TENT4B: variants seen among roughly 807,000 people sequenced by gnomAD.
The protein encoded by TENT4B is terminal nucleotidyltransferase 4B.
A neutral mutation model predicts 75.0 loss-of-function variants in TENT4B; 10 were observed. The ratio of observed to expected loss-of-function variants is 0.13; its 90% CI spans 0.08 to 0.23. The LOEUF (loss-of-function observed/expected upper bound fraction) is 0.23, where lower values mean the gene tolerates loss of function less well. TENT4B is among the 10% of genes least tolerant of loss of function. The probability of loss-of-function intolerance (pLI) is 1.00; values close to 1 mark genes in which losing one functional copy is unlikely to be tolerated. For synonymous variants in TENT4B, 350 were observed against 357.7 expected (o/e 0.98, Z 0.24); for missense variants, 579 against 893.8 (o/e 0.65, Z 4.49).
rs181831308 is a variant in TENT4B, at chr16:50,233,164, G to A, written c.*3836G>A. ...ACTGTTGATAGTAATTTTCATCAGGGTCATAGTTCATCTAGTAAAATATTT... is the reference window on the plus strand; with the variant it reads ...ACTGTTGATAGTAATTTTCATCAGGATCATAGTTCATCTAGTAAAATATTT... On this transcript the variant is annotated 3_prime_UTR_variant, in exon 12 of 12. Coordinates refer to ENST00000561678, the MANE Select transcript of TENT4B (RefSeq NM_001365324.3). 1.4e-5 allele frequency: 14 copies of A among 984,476 alleles called. No homozygotes were observed. The highest frequency in any genetic ancestry group is 1.7e-5 in the Non-Finnish European group (14 of 829,144). The allele number at this position is 984,476 out of a possible 1,614,324, so 61.0% of individuals were successfully genotyped here.
rs532432791 is a variant in TENT4B at position 50,176,259 on chromosome 16, T to TA, written c.638+22003dup. On this transcript the variant is annotated intron_variant, in intron 1 of 11. Transcript: ENST00000561678. ...CCATGACCACACCCAGCTAAGTTTT[T>TA]AAATTTTTTTAGAGATTGAATCTTT... Among the ~76,000 whole-genome samples the TA allele has an allele frequency of 4.8e-4, 73 of 151,832 alleles. 2 individuals are homozygous for TA. Among genetic ancestry groups the TA allele is most frequent in the Admixed American group, 1.4e-3 (21 of 15,224 alleles).
At position 50,182,913 on chromosome 16, in the gene TENT4B, T is replaced by TTTTTC; in HGVS notation, c.639-28406_639-28405insCTTTT. Among the ~76,000 whole-genome samples, 3 of 137,784 alleles carry TTTTTC rather than the reference T, an allele frequency of 2.2e-5. No individual in the cohort carries two copies. In the South Asian group the frequency reaches 7.1e-4, roughly 33 times the overall value. 90.4% of individuals were successfully genotyped at this position (137,784 alleles called of 152,430 possible). On this transcript the variant is annotated intron_variant, in intron 1 of 11. Transcript: ENST00000561678. ...TACCTTTTTTTTTTTTTTTTTTTTT[T>TTTTTC]TTTTTTTTTGAGTTAGGCCAAGTTG... is the stretch of plus-strand genomic sequence containing the variant.
chr16:50,227,031 T>C (rs1218565258), intron 10 of TENT4B, among the ~76,000 whole-genome samples: 2 of 152,242 alleles, frequency 1.3e-5, no homozygotes, highest in East Asian at 3.8e-4. Flanking sequence ...GAATTTGTAG[T>C]GTACTGATTT....
chr16:50,153,811 A>T lies in TENT4B; in HGVS notation c.190A>T (p.Ser64Cys). The T allele has an allele frequency of 8.2e-7, 1 of 1,221,698 alleles. No homozygotes were observed. The highest frequency in any genetic ancestry group is 1.0e-6 in the Non-Finnish European group (1 of 984,072). The allele number at this position is 1,221,698 out of a possible 1,614,324, so 75.7% of individuals were successfully genotyped here. The change falls in exon 1 of 12, where the codon AGC becomes TGC. Residue 64 changes from serine to cysteine, a missense_variant. Ser to Cys is a moderately radical substitution (Grantham distance 112). This residue lies in a region of TENT4B where 253 missense variants were observed against 270.1 expected (regional missense o/e 0.94). Transcript: ENST00000561678. Reference sequence around the variant, plus strand: ...CAGCACGGCCACCGGCGGGAGCGGCAGCAGCACCGGCAGCCCCGGCGGCGC... The same window carrying T: ...CAGCACGGCCACCGGCGGGAGCGGCTGCAGCACCGGCAGCCCCGGCGGCGC... ...SSSTATGGSG[S>C]STGSPGGAAS...
chr16:50,157,267 C>A (rs4785388), intron 1 of TENT4B, among the ~76,000 whole-genome samples: 9,492 of 152,290 alleles, frequency 0.062, 482 homozygotes, highest in African/African-American at 0.14. Context: ...TCTCTGCTTC[C>A]ACCAAATTGG....
chr16:50,154,209 G>A lies in TENT4B; in HGVS notation c.588G>A (p.Val196=). The A allele has an allele frequency of 6.7e-7, 1 of 1,494,904 alleles. No homozygotes were observed. The highest frequency in any genetic ancestry group is 8.8e-7 in the Non-Finnish European group (1 of 1,130,462). The allele number at this position is 1,494,904 out of a possible 1,614,324, so 92.6% of individuals were successfully genotyped here. Reference sequence around the variant, plus strand: ...GCCGAGCAGACGGCGGCGGGGTCGTGTACAGCGGGACCCCGTGGAAACGGA... The same window carrying A: ...GCCGAGCAGACGGCGGCGGGGTCGTATACAGCGGGACCCCGTGGAAACGGA... The part of the protein sequence containing the change: ...GGGRADGGGV[V]YSGTPWKRRN... Residue 196 remains valine (V), a synonymous_variant, in exon 1 of 12, where the codon GTG becomes GTA. Coordinates refer to ENST00000561678, the MANE Select transcript of TENT4B (RefSeq NM_001365324.3).
intron 5 of TENT4B, among the ~76,000 whole-genome samples, chr16:50,217,992 T>C (rs1184077600): frequency 1.3e-5 from 2 of 151,776 alleles, no homozygotes; most frequent in Non-Finnish European, 2.9e-5. Flanking sequence ...CAGGCTGGTC[T>C]CTTAACTCCT....
At chr16:50,199,305 C>T (rs1046359558) in intron 1 of TENT4B, among the ~76,000 whole-genome samples, 5 of 152,202 alleles carry the variant, frequency 3.3e-5, no homozygotes, top group Non-Finnish European at 4.4e-5. Context: ...TGCCAGCTGG[C>T]TTTGCAGTGC....
At chr16:50,209,498 G>A (rs1416975207) in intron 1 of TENT4B, among the ~76,000 whole-genome samples, 1 of 152,204 alleles carries the variant, frequency 6.6e-6, no homozygotes, top group African/African-American at 2.4e-5. Flanking sequence ...GGCATAGCAA[G>A]GAAAACGTCC....
chr16:50,181,589 G>A (rs1221133512), intron 1 of TENT4B, among the ~76,000 whole-genome samples: 1 of 151,518 alleles, frequency 6.6e-6, no homozygotes, highest in Non-Finnish European at 1.5e-5. Context: ...ATAGGTGTGA[G>A]CCACCATGCC....
chr16:50,160,618 C>T (rs1281007343), intron 1 of TENT4B, among the ~76,000 whole-genome samples: 3 of 152,172 alleles, frequency 2.0e-5, no homozygotes, highest in Non-Finnish European at 2.9e-5. Context: ...TTAAGGGCTC[C>T]GTTGGTGATA....
At chr16:50,187,353 C>A (rs9925166) in intron 1 of TENT4B, among the ~76,000 whole-genome samples, 8 of 152,144 alleles carry the variant, frequency 5.3e-5, no homozygotes, top group Non-Finnish European at 1.2e-4. Context: ...GAGGCCGAGG[C>A]GGATGGATCA....
At chr16:50,216,849 G>T (rs1030029645) in intron 4 of TENT4B, among the ~76,000 whole-genome samples, 3 of 151,886 alleles carry the variant, frequency 2.0e-5, no homozygotes, top group African/African-American at 7.3e-5. Flanking sequence ...GTAGAGATAG[G>T]GTCTCCCTGT....
intron 1 of TENT4B, among the ~76,000 whole-genome samples, chr16:50,193,528 T>G (rs1334258170): frequency 2.6e-5 from 4 of 151,866 alleles, no homozygotes; most frequent in Non-Finnish European, 1.5e-5. Context: ...TTAGTAGAGA[T>G]GGGATTTCAC....
Position 50,233,772 on chromosome 16 carries a change from C to G in TENT4B, c.*4444C>G, listed in dbSNP as rs993801907. On this transcript the variant is annotated 3_prime_UTR_variant, in exon 12 of 12. Coordinates refer to ENST00000561678, the MANE Select transcript of TENT4B (RefSeq NM_001365324.3). ...TTTAACCTTGTCTGTAGCCTAGTAG[C>G]CTGAAAGAAAAGGAGACAGAACCAG... 7.1e-6 allele frequency: 7 copies of G among 985,088 alleles called. 1 individual carries two copies. The South Asian group carries it at 2.8e-4, about 40-fold the overall frequency. 61.0% of individuals were successfully genotyped at this position (985,088 alleles called of 1,614,324 possible).
At chr16:50,191,194 T>C (rs2541706) in intron 1 of TENT4B, among the ~76,000 whole-genome samples, 101,464 of 151,988 alleles carry the variant, frequency 0.67, 35,753 homozygotes, top group Non-Finnish European at 0.77. Context: ...TATTTGAGTT[T>C]CTGCTATCAA....
intron 1 of TENT4B, among the ~76,000 whole-genome samples, chr16:50,191,817 G>T (rs182297583): frequency 1.3e-5 from 2 of 152,322 alleles, no homozygotes; most frequent in South Asian, 2.1e-4. Context: ...TACTGGGGAG[G>T]CTGAGGCAGG....
chr16:50,175,524 C>T (rs1307202754), intron 1 of TENT4B, among the ~76,000 whole-genome samples: 1 of 152,016 alleles, frequency 6.6e-6, no homozygotes, highest in Non-Finnish European at 1.5e-5. Flanking sequence ...CTCGCTTTGT[C>T]GCCAGGCTGA....
Position 50,153,449 on chromosome 16 carries a change from C to T in TENT4B, c.-173C>T. The T allele has an allele frequency of 1.1e-6, 1 of 913,276 alleles. No homozygotes were observed. The allele number at this position is 913,276 out of a possible 1,614,324, so 56.6% of individuals were successfully genotyped here. On this transcript the variant is annotated 5_prime_UTR_variant, in exon 1 of 12. Transcript: ENST00000561678. ...CGGGAGCGACGCCGCCGGCGCCGGC[C>T]GGGCTCCCTGCGCGACCGCGCCGCC...
Sources: allele counts gnomAD v4.1 joint callset (sites outside exome capture counted in the v4.1 genomes callset), GRCh38; gene constraint gnomAD v4.1.1; regional missense constraint gnomAD v4.1.1; transcripts MANE v1.5; gene names NCBI Gene and HGNC (gene_info 2026-07-23, HGNC 2026-07-21).